PSD3: variants seen among roughly 807,000 people sequenced by gnomAD.
PSD3 encodes the protein pleckstrin and Sec7 domain containing 3.
Under a neutral mutation model 105.5 loss-of-function variants are expected in PSD3, and 49 were observed. The ratio of observed to expected loss-of-function variants is 0.46; its 90% CI spans 0.37 to 0.59. The LOEUF (loss-of-function observed/expected upper bound fraction) is 0.59. Ranked by LOEUF, PSD3 falls within the 20% of genes least tolerant of loss-of-function variation. The pLI is 0.00. For synonymous variants in PSD3, 557 were observed against 457.8 expected (o/e 1.22, Z -2.77); for missense variants, 1,561 against 1,263.8 (o/e 1.24, Z -3.57).
At chr8:19,031,643 C>T (rs1827775642) in intron 1 of PSD3, among the ~76,000 whole-genome samples, 1 of 152,134 alleles carries the variant, frequency 6.6e-6, no homozygotes, top group Non-Finnish European at 1.5e-5. Context: ...AATAAGGAGA[C>T]TTAGGATGCA....
chr8:18,964,324 A>G (rs1586539613), intron 1 of PSD3, among the ~76,000 whole-genome samples: 2 of 152,056 alleles, frequency 1.3e-5, no homozygotes, highest in African/African-American at 4.8e-5. Context: ...GAGTCTCACT[A>G]TGTTGCCCAA....
intron 1 of PSD3, among the ~76,000 whole-genome samples, chr8:19,065,618 C>T (rs897878224): frequency 6.6e-6 from 1 of 152,184 alleles, no homozygotes; most frequent in Non-Finnish European, 1.5e-5. Flanking sequence ...GGTATTACAA[C>T]CTATACATAG....
chr8:19,084,538 C>T, exon 1 of PSD3: 1 of 402,642 alleles, frequency 2.5e-6, no homozygotes, highest in African/African-American at 2.0e-5. Flanking sequence ...ATGATGGGAG[C>T]TGGGCTAGGA....
intron 9 of PSD3, among the ~76,000 whole-genome samples, chr8:18,745,207 C>T (rs1208017989): frequency 1.3e-5 from 2 of 152,166 alleles, no homozygotes; most frequent in African/African-American, 4.8e-5. Flanking sequence ...TGAGACTACA[C>T]AAATATCCTG....
chr8:18,708,053 A>G (rs1022495961), intron 9 of PSD3, among the ~76,000 whole-genome samples: 2 of 152,224 alleles, frequency 1.3e-5, no homozygotes, highest in African/African-American at 4.8e-5. Flanking sequence ...TTATGTAAAG[A>G]ATATTTATTC....
chr8:18,607,454 A>C (rs1001550313), intron 11 of PSD3, among the ~76,000 whole-genome samples: 1 of 152,124 alleles, frequency 6.6e-6, no homozygotes, highest in Non-Finnish European at 1.5e-5. Context: ...TGTGGAACCT[A>C]TGACCACCTT....
At chr8:18,969,528 C>T (rs1824504319) in intron 1 of PSD3, among the ~76,000 whole-genome samples, 2 of 152,166 alleles carry the variant, frequency 1.3e-5, no homozygotes, top group Non-Finnish European at 2.9e-5. Flanking sequence ...ATACCAACAA[C>T]TTTTTATTAG....
At chr8:18,838,022 G>C (rs1814269001) in intron 4 of PSD3, among the ~76,000 whole-genome samples, 1 of 152,152 alleles carries the variant, frequency 6.6e-6, no homozygotes, top group Admixed American at 6.5e-5. Flanking sequence ...TACAGACACA[G>C]CTCCCTAATT....
chr8:18,630,365 T>C (rs1325726441), intron 11 of PSD3, among the ~76,000 whole-genome samples: 2 of 151,908 alleles, frequency 1.3e-5, no homozygotes, highest in South Asian at 2.1e-4. Flanking sequence ...TATATTCATA[T>C]GTATTAGGCC....
chr8:18,677,870 C>T (rs1243565897), intron 9 of PSD3, among the ~76,000 whole-genome samples: 2 of 151,882 alleles, frequency 1.3e-5, no homozygotes, highest in Non-Finnish European at 2.9e-5. Context: ...ATTAGCCAGG[C>T]GTGGTGGCGG....
intron 1 of PSD3, among the ~76,000 whole-genome samples, chr8:18,977,524 A>G (rs566459408): frequency 6.6e-6 from 1 of 152,280 alleles, no homozygotes; most frequent in South Asian, 2.1e-4. Context: ...GGACTGAGAG[A>G]TAATGGGCCT....
At chr8:18,585,085 C>G (rs1346683380) in intron 12 of PSD3, among the ~76,000 whole-genome samples, 2 of 152,078 alleles carry the variant, frequency 1.3e-5, no homozygotes, top group Admixed American at 6.5e-5. Context: ...GAACACGAAG[C>G]CCTCTGCCTT....
chr8:18,572,328 G>C (rs760375700), intron 14 of PSD3, among the ~76,000 whole-genome samples, 200 bp downstream of exon 14: 1 of 152,148 alleles, frequency 6.6e-6, no homozygotes, highest in Non-Finnish European at 1.5e-5. Context: ...CCTACTAACT[G>C]AGACTCAATT....
At chr8:18,978,600 TA>T (rs1308873889) in intron 1 of PSD3, among the ~76,000 whole-genome samples, 3 of 152,142 alleles carry the variant, frequency 2.0e-5, no homozygotes, top group African/African-American at 7.2e-5. Context: ...ACAGACACAG[TA>T]ACCTCAACAT....
At chr8:18,964,950 T>C (rs1355061285) in intron 1 of PSD3, among the ~76,000 whole-genome samples, 2 of 152,188 alleles carry the variant, frequency 1.3e-5, no homozygotes, top group Non-Finnish European at 1.5e-5. Context: ...AAATATTTAA[T>C]ATAAACTATT....
intron 1 of PSD3, among the ~76,000 whole-genome samples, chr8:18,962,006 G>A (rs532203362): frequency 1.5e-4 from 23 of 152,226 alleles, no homozygotes; most frequent in African/African-American, 5.3e-4. Context: ...AGCACTTTGG[G>A]AGACCGAGGC....
intron 4 of PSD3, among the ~76,000 whole-genome samples, chr8:18,860,894 T>A (rs1816387875): frequency 6.6e-6 from 1 of 152,244 alleles, no homozygotes; most frequent in Admixed American, 6.5e-5. Context: ...ACCTCCAATG[T>A]CTGTTATCAT....
chr8:19,023,818 C>T (rs1438126767), intron 1 of PSD3, among the ~76,000 whole-genome samples: 1 of 152,094 alleles, frequency 6.6e-6, no homozygotes, highest in Non-Finnish European at 1.5e-5. Context: ...CAGTCTTTGG[C>T]ACATAGGATA....
At chr8:18,615,335 G>C (rs1317207512) in intron 11 of PSD3, among the ~76,000 whole-genome samples, 1 of 152,100 alleles carries the variant, frequency 6.6e-6, no homozygotes, top group Non-Finnish European at 1.5e-5. Context: ...ATCGGAATTA[G>C]TTTAGCCTGT....
Sources: gnomAD v4.1 joint callset for allele counts (sites outside exome capture counted in the v4.1 genomes callset) on GRCh38, gnomAD v4.1.1 for gene constraint, MANE v1.5 for transcripts, NCBI Gene and HGNC (gene_info 2026-07-23, HGNC 2026-07-21) for gene names.